TUSC3: variants seen among roughly 807,000 people sequenced by gnomAD.
TUSC3 encodes the protein dolichyl-diphosphooligosaccharide--protein glycosyltransferase subunit TUSC3.
In TUSC3, 45 loss-of-function variants were observed where a neutral mutation model predicts 44.8. That is an observed-to-expected ratio of 1.00 (90% CI 0.79 to 1.29). The LOEUF (loss-of-function observed/expected upper bound fraction) is 1.29, where lower values mean the gene tolerates loss of function less well. TUSC3 is among the 50% of genes most tolerant of loss of function. TUSC3 has a pLI of 0.00. For missense variants in TUSC3, 519 were observed against 437.9 expected (o/e 1.19, Z -1.65); for synonymous variants, 212 against 152.9 (o/e 1.39, Z -2.85).
intron 1 of TUSC3, among the ~76,000 whole-genome samples, chr8:15,546,660 C>T (rs903884233): frequency 2.0e-5 from 3 of 151,498 alleles, no homozygotes; most frequent in East Asian, 2.0e-4. Context: ...CTCAGCCTCC[C>T]GAGTAGCTGG....
upstream of TUSC3, among the ~76,000 whole-genome samples, chr8:15,539,865 G>T (rs116542059): frequency 0.016 from 2,361 of 152,146 alleles, 57 homozygotes; most frequent in African/African-American, 0.053. Flanking sequence ...TGCATCGGGG[G>T]ACTCTGGAGT....
At position 15,752,918 on chromosome 8, in the gene TUSC3, C is replaced by T. The variant is rs547041173; in HGVS notation, c.1028+4453C>T. Among the ~76,000 whole-genome samples the T allele has an allele frequency of 9.2e-5, 14 of 151,858 alleles. No individual in the cohort carries two copies. In the East Asian group the frequency reaches 9.7e-4, roughly 10 times the overall value. ...TGAGCTCCAGAAGTTCAAGAGATGA[C>T]GATTTTACTCAAGGAAAAACTTCCT... On this transcript the variant is annotated intron_variant, in intron 9 of 10. Coordinates refer to ENST00000503731, the MANE Select transcript of TUSC3 (RefSeq NM_006765.4).
At chr8:15,848,940 A>G in the TUSC3 span, among the ~76,000 whole-genome samples, 3 of 152,208 alleles carry the variant, frequency 2.0e-5, no homozygotes, top group East Asian at 5.8e-4. Flanking sequence ...TATTACAAGT[A>G]TTACTTCTTT....
In TUSC3 at chr8:15,641,936, C is replaced by T. The variant is rs535061042; in HGVS notation, c.309-8761C>T. Among the ~76,000 whole-genome samples, 29 of 152,286 alleles carry T rather than the reference C, an allele frequency of 1.9e-4. No homozygotes were observed. In the South Asian group the frequency reaches 4.6e-3, roughly 24 times the overall value. On this transcript the variant is annotated intron_variant, in intron 2 of 10. Coordinates refer to ENST00000503731, the MANE Select transcript of TUSC3 (RefSeq NM_006765.4). The stretch of plus-strand genomic sequence containing the variant: ...TGGAAGTGATGGAAATGTTTATTAA[C>T]TTGACTGTGGTGGTGGTAACATGAA...
At chr8:15,619,527 T>C (rs1319091845) in intron 1 of TUSC3, among the ~76,000 whole-genome samples, 1 of 152,086 alleles carries the variant, frequency 6.6e-6, no homozygotes, top group Non-Finnish European at 1.5e-5. Context: ...AGTCTGTCTC[T>C]GTCGCCCAGG....
chr8:15,521,814 A>C (rs905148772), intron 2 of TUSC3, among the ~76,000 whole-genome samples: 1 of 152,086 alleles, frequency 6.6e-6, no homozygotes, highest in East Asian at 1.9e-4. Flanking sequence ...CCTTTTCACT[A>C]TTGGTCAAGG....
intron 1 of TUSC3, among the ~76,000 whole-genome samples, chr8:15,580,831 A>G (rs1188145726): frequency 2.0e-4 from 28 of 143,070 alleles, no homozygotes; most frequent in Non-Finnish European, 3.5e-4. Context: ...TCTTTGTGGC[A>G]TTCCCTGTAT....
chr8:15,421,711 A>T (rs1400570345), intron 1 of TUSC3, among the ~76,000 whole-genome samples: 1 of 152,174 alleles, frequency 6.6e-6, no homozygotes, highest in African/African-American at 2.4e-5. Context: ...GTGCCTATTC[A>T]TGCATGAATG....
At chr8:15,796,229 G>C in the TUSC3 span, among the ~76,000 whole-genome samples, 1 of 152,186 alleles carries the variant, frequency 6.6e-6, no homozygotes, top group Non-Finnish European at 1.5e-5. Flanking sequence ...GGTGCAAGCT[G>C]AGTCAGCTGC....
At chr8:15,702,683 C>G (rs1327083144) in intron 6 of TUSC3, among the ~76,000 whole-genome samples, 2 of 152,108 alleles carry the variant, frequency 1.3e-5, no homozygotes, top group African/African-American at 4.8e-5. Context: ...AAGTTGAATA[C>G]TATTCTCCAG....
intron 1 of TUSC3, among the ~76,000 whole-genome samples, chr8:15,556,171 A>G: frequency 1.1e-5 from 1 of 91,096 alleles, no homozygotes; most frequent in Non-Finnish European, 2.0e-5. Flanking sequence ...CCCACCCCAC[A>G]ACAGTCCCCA....
intron 6 of TUSC3, among the ~76,000 whole-genome samples, chr8:15,719,834 T>C (rs956388316): frequency 6.6e-6 from 1 of 152,118 alleles, no homozygotes; most frequent in African/African-American, 2.4e-5. Context: ...AATTCAAGCC[T>C]CGCAGCCTGG....
chr8:15,499,646 G>T (rs1195619368), intron 2 of TUSC3, among the ~76,000 whole-genome samples: 1 of 152,058 alleles, frequency 6.6e-6, no homozygotes, highest in Non-Finnish European at 1.5e-5. Context: ...TGGTCCACGG[G>T]GTGCTTAGAT....
intron 2 of TUSC3, among the ~76,000 whole-genome samples, chr8:15,508,575 C>A (rs1302028246): frequency 1.3e-5 from 2 of 149,266 alleles, no homozygotes; most frequent in Non-Finnish European, 3.0e-5. Context: ...CATTCTCCTG[C>A]CTCAGCCTCC....
At chr8:15,673,982 A>T (rs1240347746) in intron 6 of TUSC3, 146 bp downstream of exon 6, 3 of 672,508 alleles carry the variant, frequency 4.5e-6, no homozygotes, top group Non-Finnish European at 7.7e-6. Flanking sequence ...TGTGTCACCT[A>T]TATACACATG....
At chr8:15,566,601 A>G (rs1402671759) in intron 1 of TUSC3, among the ~76,000 whole-genome samples, 1 of 142,310 alleles carries the variant, frequency 7.0e-6, no homozygotes, top group Non-Finnish European at 1.6e-5. Flanking sequence ...CAGAAGACAC[A>G]TTTTTTTGTT....
intron 3 of TUSC3, among the ~76,000 whole-genome samples, chr8:15,657,476 T>C (rs76097292): frequency 0.036 from 5,462 of 152,250 alleles, 343 homozygotes; most frequent in African/African-American, 0.13. Context: ...ATGGTCTTTT[T>C]TTCCAGATTT....
the TUSC3 span, among the ~76,000 whole-genome samples, chr8:15,789,460 G>C: frequency 6.6e-6 from 1 of 152,036 alleles, no homozygotes; most frequent in African/African-American, 2.4e-5. Flanking sequence ...AGTCTTAAGA[G>C]ACAGCTCACA....
At chr8:15,535,284 T>G (rs1225487911), upstream of TUSC3, among the ~76,000 whole-genome samples, 1 of 152,166 alleles carries the variant, frequency 6.6e-6, no homozygotes, top group Non-Finnish European at 1.5e-5. Flanking sequence ...GGATAAAGAA[T>G]TTGGGTTAGT....
Sources: allele counts gnomAD v4.1 joint callset (sites outside exome capture counted in the v4.1 genomes callset), GRCh38; gene constraint gnomAD v4.1.1; transcripts MANE v1.5; gene names NCBI Gene and HGNC (gene_info 2026-07-23, HGNC 2026-07-21).